The following TBC1D22A variants were observed in gnomAD, a reference collection of about 807,000 sequenced individuals.
TBC1D22A encodes the protein putative GTPase activator.
TBC1D22A carries 38 observed loss-of-function variants against 60.2 expected under a neutral mutation model. The ratio of observed to expected loss-of-function variants is 0.63; its 90% CI spans 0.49 to 0.83. The LOEUF is 0.83. Ranked by LOEUF, TBC1D22A falls within the 40% of genes least tolerant of loss-of-function variation. The pLI is 0.00. For missense variants in TBC1D22A, 628 were observed against 701.0 expected, an observed-to-expected ratio of 0.90 and a Z score of 1.18; for synonymous variants, 302 against 281.7, an observed-to-expected ratio of 1.07 and a Z score of -0.72.
chr22:47,028,090 C>T lies in TBC1D22A; in HGVS notation c.1202-8981C>T, dbSNP rs57121819. ...GGGTGTGCTGAGTAGCTCGTGTGCACGTCTGTGAGGTGAAAATGATTTAAT... is the reference window on the plus strand; with the variant it reads ...GGGTGTGCTGAGTAGCTCGTGTGCATGTCTGTGAGGTGAAAATGATTTAAT... On this transcript the variant is annotated intron_variant, in intron 10 of 12. Transcript: ENST00000337137. This position sits in a 1 kb window ranked among gnomAD's most constrained non-coding sequence, Gnocchi z 4.4. Among the ~76,000 whole-genome samples, 4,920 of 152,214 alleles carry T rather than the reference C, an allele frequency of 0.032. 227 individuals are homozygous for T. Among genetic ancestry groups the T allele is most frequent in the African/African-American group, 0.1 (4,248 of 41,522 alleles).
At chr22:46,832,756 T>A (rs2086365618) in intron 4 of TBC1D22A, among the ~76,000 whole-genome samples, 1 of 152,252 alleles carries the variant, frequency 6.6e-6, no homozygotes, top group South Asian at 2.1e-4. Context: ...ATTTGGCTGA[T>A]GTTTGGATAT....
chr22:47,001,631 C>T (rs532251925), intron 10 of TBC1D22A, among the ~76,000 whole-genome samples: 1 of 152,164 alleles, frequency 6.6e-6, no homozygotes, highest in East Asian at 1.9e-4. Context: ...GTGGCTAGTG[C>T]TGCCGAGCTC....
At chr22:47,049,261 A>G (rs1168598207) in intron 11 of TBC1D22A, among the ~76,000 whole-genome samples, 3 of 152,190 alleles carry the variant, frequency 2.0e-5, no homozygotes, top group Admixed American at 6.5e-5. Context: ...ATTTTCCGAT[A>G]TTAACCTCCC....
At chr22:47,027,387 G>T (rs1156822151) in intron 10 of TBC1D22A, among the ~76,000 whole-genome samples, 1 of 152,110 alleles carries the variant, frequency 6.6e-6, no homozygotes, top group Admixed American at 6.5e-5. Context: ...GGTGACATGA[G>T]TAAGTTCTTT....
At chr22:46,766,061 G>A (rs1393515243) in intron 1 of TBC1D22A, among the ~76,000 whole-genome samples, 1 of 150,130 alleles carries the variant, frequency 6.7e-6, no homozygotes, top group Non-Finnish European at 1.5e-5. Context: ...GCAGTGGTGC[G>A]ATCTCGGCTC....
chr22:46,844,873 G>A (rs964272716), intron 4 of TBC1D22A, among the ~76,000 whole-genome samples: 19 of 152,274 alleles, frequency 1.2e-4, no homozygotes, highest in African/African-American at 4.6e-4. Flanking sequence ...GGTTGGAGAT[G>A]CTGCGCCCTC....
At chr22:46,959,326 C>T (rs897543537) in intron 8 of TBC1D22A, among the ~76,000 whole-genome samples, 1 of 152,208 alleles carries the variant, frequency 6.6e-6, no homozygotes, top group African/African-American at 2.4e-5. Context: ...AGCCATGGAG[C>T]TAGACATGCA....
chr22:46,794,177 G>C (rs964862168), intron 3 of TBC1D22A, among the ~76,000 whole-genome samples: 2 of 152,206 alleles, frequency 1.3e-5, no homozygotes, highest in Non-Finnish European at 2.9e-5. Flanking sequence ...GGGAGCAAGC[G>C]CCTGGGGACA....
chr22:46,877,174 C>G (rs904074513), intron 4 of TBC1D22A, among the ~76,000 whole-genome samples: 1 of 152,218 alleles, frequency 6.6e-6, no homozygotes, highest in Admixed American at 6.5e-5. Flanking sequence ...CTTAACCTCT[C>G]TGAGGCTCTT....
chr22:46,881,308 G>A (rs1437655844), intron 5 of TBC1D22A, among the ~76,000 whole-genome samples: 3 of 152,170 alleles, frequency 2.0e-5, no homozygotes, highest in Non-Finnish European at 4.4e-5. Flanking sequence ...ACTGTGTCGG[G>A]TGCTGGGAAA....
chr22:47,106,167 G>A (rs1435133299), intron 11 of TBC1D22A, among the ~76,000 whole-genome samples: 2 of 152,166 alleles, frequency 1.3e-5, no homozygotes, highest in Non-Finnish European at 2.9e-5. Context: ...AAAAAGAGAG[G>A]CTAAAGGAAA....
intron 4 of TBC1D22A, among the ~76,000 whole-genome samples, chr22:46,823,160 G>T (rs1018422714): frequency 2.0e-5 from 3 of 152,174 alleles, no homozygotes; most frequent in African/African-American, 7.2e-5. Flanking sequence ...GAGGCCGAAT[G>T]AGGTATAAGG....
At chr22:46,810,351 A>G (rs945248647) in intron 4 of TBC1D22A, among the ~76,000 whole-genome samples, 1 of 152,220 alleles carries the variant, frequency 6.6e-6, no homozygotes, top group Non-Finnish European at 1.5e-5. Flanking sequence ...GTAGATTTAT[A>G]TAGACGTGTG....
chr22:47,067,170 G>T (rs2063803690), intron 11 of TBC1D22A, among the ~76,000 whole-genome samples: 1 of 152,142 alleles, frequency 6.6e-6, no homozygotes, highest in Non-Finnish European at 1.5e-5. Flanking sequence ...GGAGGCTGAG[G>T]CACGAGAATC....
At chr22:47,141,718 A>G (rs1297698921) in intron 12 of TBC1D22A, among the ~76,000 whole-genome samples, 2 of 152,200 alleles carry the variant, frequency 1.3e-5, no homozygotes, top group Admixed American at 1.3e-4. Flanking sequence ...GCTCTTTCCT[A>G]CGTTGCTTGT....
chr22:46,945,161 C>G (rs1219067349), intron 8 of TBC1D22A, among the ~76,000 whole-genome samples: 1 of 152,180 alleles, frequency 6.6e-6, no homozygotes, highest in African/African-American at 2.4e-5. Context: ...TTCAGTACCA[C>G]AAACTTTTGA....
chr22:46,911,622 T>G (rs1385369444), intron 7 of TBC1D22A, among the ~76,000 whole-genome samples: 5 of 152,144 alleles, frequency 3.3e-5, no homozygotes, highest in Non-Finnish European at 5.9e-5. Flanking sequence ...AAATCAAGTT[T>G]CAATTGTCTT....
intron 7 of TBC1D22A, among the ~76,000 whole-genome samples, chr22:46,906,437 C>T (rs538067039): frequency 2.0e-5 from 3 of 152,272 alleles, no homozygotes; most frequent in Non-Finnish European, 2.9e-5. Context: ...CCGCTGTCTA[C>T]AGTGGGAATG....
chr22:47,068,414 C>T (rs532088951), intron 11 of TBC1D22A, among the ~76,000 whole-genome samples: 2 of 152,304 alleles, frequency 1.3e-5, no homozygotes, highest in South Asian at 4.1e-4. Context: ...TGTGTCAGTC[C>T]CACAGGATGT....
Sources: gnomAD v4.1 joint callset for allele counts (sites outside exome capture counted in the v4.1 genomes callset) on GRCh38, gnomAD v4.1.1 for gene constraint, Gnocchi (gnomAD v3.1) non-coding constraint, MANE v1.5 for transcripts, NCBI Gene and HGNC (gene_info 2026-07-23, HGNC 2026-07-21) for gene names.